SHISA9: variants seen among roughly 807,000 people sequenced by gnomAD.
SHISA9 encodes the protein protein shisa-9.
In SHISA9, 13 loss-of-function variants were observed where a neutral mutation model predicts 38.0. The observed-to-expected ratio is 0.34, with a 90% confidence interval of 0.22 to 0.54. The LOEUF (loss-of-function observed/expected upper bound fraction) is 0.54, where lower values mean the gene tolerates loss of function less well. SHISA9 is among the 20% of genes least tolerant of loss of function. SHISA9 has a pLI of 0.91. For synonymous variants in SHISA9, 275 were observed against 242.0 expected, an observed-to-expected ratio of 1.14 and a Z score of -1.27; for missense variants, 538 against 575.8, an observed-to-expected ratio of 0.93 and a Z score of 0.67.
chr16:13,447,902 C>A, the SHISA9 span, among the ~76,000 whole-genome samples: 1 of 152,126 alleles, frequency 6.6e-6, no homozygotes, highest in Non-Finnish European at 1.5e-5. Context: ...TTCATTTGAA[C>A]GCATGATGGA....
At chr16:13,535,499 C>T in the SHISA9 span, among the ~76,000 whole-genome samples, 1 of 152,200 alleles carries the variant, frequency 6.6e-6, no homozygotes, top group Non-Finnish European at 1.5e-5. Context: ...CAGCCAGCAA[C>T]CTGTTCTTGG....
the SHISA9 span, among the ~76,000 whole-genome samples, chr16:13,386,749 C>G: frequency 8.5e-5 from 13 of 152,116 alleles, no homozygotes; most frequent in Non-Finnish European, 1.9e-4. Context: ...TTTTAGATTC[C>G]TTTCCATGTC....
At chr16:13,446,290 T>C in the SHISA9 span, among the ~76,000 whole-genome samples, 1 of 152,142 alleles carries the variant, frequency 6.6e-6, no homozygotes, top group Middle Eastern at 3.2e-3. Flanking sequence ...ATTATTTATA[T>C]TAACTAGGAG....
chr16:13,422,095 C>T, the SHISA9 span, among the ~76,000 whole-genome samples: 3 of 152,158 alleles, frequency 2.0e-5, no homozygotes, highest in Non-Finnish European at 4.4e-5. Flanking sequence ...TCTGTGGCCA[C>T]AGGAGAGAGC....
rs183948492 is a variant in SHISA9, at chr16:13,047,026, T to C, written c.691+130211T>C. ...AGAAGCCTGATAAATCGTATTCATT[T>C]TGGAGATGATGGTTAGTATGTGGTT... is the stretch of plus-strand genomic sequence containing the variant. On this transcript the variant is annotated intron_variant, in intron 2 of 4. Transcript: ENST00000558583. Among the ~76,000 whole-genome samples, 16 of 152,312 alleles carry C rather than the reference T, an allele frequency of 1.1e-4. No individual in the cohort carries two copies. The East Asian group carries it at 2.7e-3, about 26-fold the overall frequency.
chr16:13,088,003 G>T (rs1316491256), intron 2 of SHISA9, among the ~76,000 whole-genome samples: 1 of 152,154 alleles, frequency 6.6e-6, no homozygotes, highest in African/African-American at 2.4e-5. Flanking sequence ...TTTGTATAAG[G>T]TGTAAGGAAG....
chr16:13,033,359 A>G (rs932131440), intron 2 of SHISA9, among the ~76,000 whole-genome samples: 2 of 152,214 alleles, frequency 1.3e-5, no homozygotes, highest in Non-Finnish European at 2.9e-5. Context: ...GGCAAAACCA[A>G]CACACTTCCA....
the SHISA9 span, among the ~76,000 whole-genome samples, chr16:13,351,987 C>A: frequency 3.3e-5 from 5 of 152,162 alleles, no homozygotes; most frequent in Admixed American, 3.3e-4. Flanking sequence ...GTCCTTCTGG[C>A]TCCTGCCCGA....
At chr16:13,346,317 A>G in the SHISA9 span, among the ~76,000 whole-genome samples, 1 of 152,202 alleles carries the variant, frequency 6.6e-6, no homozygotes, top group Non-Finnish European at 1.5e-5. Flanking sequence ...CCAGATATTC[A>G]TGGGCTAAAG....
chr16:13,156,800 C>T (rs2050551810), intron 2 of SHISA9, among the ~76,000 whole-genome samples: 1 of 151,792 alleles, frequency 6.6e-6, no homozygotes. Context: ...GGCACACCTG[C>T]GGGATTACAT....
intron 2 of SHISA9, among the ~76,000 whole-genome samples, chr16:12,971,334 A>C (rs1446808948): frequency 6.6e-6 from 1 of 152,174 alleles, no homozygotes; most frequent in Admixed American, 6.5e-5. Context: ...AGCTGAGATC[A>C]CCTCGGAGCA....
chr16:12,967,216 A>G (rs369732790), intron 2 of SHISA9, among the ~76,000 whole-genome samples: 22 of 152,206 alleles, frequency 1.4e-4, no homozygotes, highest in African/African-American at 4.6e-4. Flanking sequence ...ACGCCATGGA[A>G]TACTATGCAG....
At chr16:13,029,973 G>A (rs186349311) in intron 2 of SHISA9, among the ~76,000 whole-genome samples, 4 of 152,286 alleles carry the variant, frequency 2.6e-5, no homozygotes, top group Admixed American at 1.3e-4. Context: ...ATCTGTGAAC[G>A]GAGGATAATT....
At chr16:13,319,350 G>A in the SHISA9 span, among the ~76,000 whole-genome samples, 5 of 152,166 alleles carry the variant, frequency 3.3e-5, no homozygotes, top group Non-Finnish European at 5.9e-5. Flanking sequence ...ACCGCTTGGC[G>A]AGAAATCATT....
At chr16:13,242,914 A>C (rs1420713464), downstream of SHISA9, among the ~76,000 whole-genome samples, 1 of 152,190 alleles carries the variant, frequency 6.6e-6, no homozygotes, top group African/African-American at 2.4e-5. Flanking sequence ...GTGTAGACCC[A>C]GAAAATCTGA....
the SHISA9 span, among the ~76,000 whole-genome samples, chr16:13,408,833 A>G: frequency 6.6e-6 from 1 of 152,242 alleles, no homozygotes; most frequent in Admixed American, 6.5e-5. Context: ...TGGCAGAAGT[A>G]TTCCTAGAAG....
the SHISA9 span, among the ~76,000 whole-genome samples, chr16:13,525,045 A>G: frequency 1.3e-5 from 2 of 152,136 alleles, no homozygotes; most frequent in African/African-American, 4.8e-5. Flanking sequence ...AACTATCTCA[A>G]ACTTTAGTGG....
At chr16:12,990,953 A>C (rs77490424) in intron 2 of SHISA9, among the ~76,000 whole-genome samples, 7,077 of 152,252 alleles carry the variant, frequency 0.046, 530 homozygotes, top group African/African-American at 0.16. Flanking sequence ...ATCTTGAAAC[A>C]CAATATCAAA....
the SHISA9 span, among the ~76,000 whole-genome samples, chr16:13,327,400 G>A: frequency 1.3e-5 from 2 of 152,074 alleles, no homozygotes; most frequent in African/African-American, 4.8e-5. Context: ...TGGATCACCT[G>A]AGGTCAAGAG....
Sources: allele counts gnomAD v4.1 joint callset (sites outside exome capture counted in the v4.1 genomes callset), GRCh38; gene constraint gnomAD v4.1.1; transcripts MANE v1.5; gene names NCBI Gene and HGNC (gene_info 2026-07-23, HGNC 2026-07-21).